SCMH1: variants seen among roughly 807,000 people sequenced by gnomAD.
SCMH1 encodes Scm polycomb group protein homolog 1, also known as polycomb protein SCMH1.
A neutral mutation model predicts 70.8 loss-of-function variants in SCMH1; 37 were observed. That is an observed-to-expected ratio of 0.52 (90% confidence interval 0.40 to 0.69). SCMH1 has a LOEUF of 0.69. SCMH1 is among the 30% of genes least tolerant of loss of function. SCMH1 has a pLI of 0.00. For synonymous variants in SCMH1, 292 were observed against 307.4 expected (o/e 0.95, Z 0.52); for missense variants, 607 against 827.3 (o/e 0.73, Z 3.27).
intron 1 of SCMH1, among the ~76,000 whole-genome samples, chr1:41,215,460 C>T (rs1414726370): frequency 6.6e-6 from 1 of 152,116 alleles, no homozygotes; most frequent in East Asian, 1.9e-4. Context: ...TACTTCTTCT[C>T]TTTACATTAT....
At chr1:41,117,624 A>C (rs1215521914) in intron 6 of SCMH1, among the ~76,000 whole-genome samples, 5 of 152,190 alleles carry the variant, frequency 3.3e-5, no homozygotes, top group African/African-American at 9.7e-5. Flanking sequence ...GCTGTGCTTC[A>C]GTGGTCATGT....
In SCMH1 at chr1:41,061,890, G is replaced by A. The variant is rs866076753; in HGVS notation, c.1105+8705C>T. Among the ~76,000 whole-genome samples, 3 of 151,292 alleles carry A rather than the reference G, an allele frequency of 2.0e-5. No homozygotes were observed. The South Asian group carries it at 6.3e-4, about 32-fold the overall frequency. On this transcript the variant is annotated intron_variant, in intron 10 of 14. Transcript: ENST00000337495. The stretch of plus-strand genomic sequence containing the variant: ...AATTTCTCATTTTTTTTTGAGACAG[G>A]GTCTCACTCTTTCACACAGGTTGGA...
chr1:41,239,848 C>T (rs974519899), intron 1 of SCMH1, among the ~76,000 whole-genome samples: 17 of 152,140 alleles, frequency 1.1e-4, no homozygotes, highest in African/African-American at 4.1e-4. Flanking sequence ...GTAGCCCAGG[C>T]TGGTCCAGAA....
intron 9 of SCMH1, among the ~76,000 whole-genome samples, chr1:41,074,891 C>T (rs1449472723): frequency 6.6e-6 from 1 of 152,194 alleles, no homozygotes; most frequent in Non-Finnish European, 1.5e-5. Context: ...GAGACGGAGT[C>T]TCGCTCTGTC....
intron 4 of SCMH1, among the ~76,000 whole-genome samples, chr1:41,154,717 G>A (rs1253320233): frequency 2.0e-5 from 3 of 152,150 alleles, no homozygotes; most frequent in Non-Finnish European, 4.4e-5. Flanking sequence ...AGATTATTAC[G>A]AAGATTAATA....
At chr1:41,144,263 C>T (rs1170631919) in intron 5 of SCMH1, among the ~76,000 whole-genome samples, 1 of 152,132 alleles carries the variant, frequency 6.6e-6, no homozygotes, top group African/African-American at 2.4e-5. Flanking sequence ...TTCCCCATTA[C>T]CCTCTCAGCC....
chr1:41,214,728 C>T (rs1441787940), intron 1 of SCMH1, among the ~76,000 whole-genome samples: 1 of 151,816 alleles, frequency 6.6e-6, no homozygotes, highest in Non-Finnish European at 1.5e-5. Context: ...CCCATTATAC[C>T]CTGACTCAAA....
At position 41,106,024 on chromosome 1, in the gene SCMH1, G is replaced by A. The variant is rs963358702; in HGVS notation, c.745+7259C>T. 6.6e-5 allele frequency among the ~76,000 whole-genome samples: 10 copies of A among 151,398 alleles called. 1 individual carries two copies. Among genetic ancestry groups the A allele is most frequent in the African/African-American group, 9.8e-5 (4 of 40,914 alleles). Reference sequence around the variant, plus strand: ...CTAGTAGCTGTGATTACAGGTGCACGCCACCATGCCCAGCTAATTTTTGTA... The same window carrying A: ...CTAGTAGCTGTGATTACAGGTGCACACCACCATGCCCAGCTAATTTTTGTA... On this transcript the variant is annotated intron_variant, in intron 8 of 14. Transcript: ENST00000337495.
chr1:41,220,506 C>T (rs1289307306), intron 1 of SCMH1, among the ~76,000 whole-genome samples: 3 of 152,172 alleles, frequency 2.0e-5, no homozygotes, highest in African/African-American at 4.8e-5. Flanking sequence ...TCTAACTAGA[C>T]TCTAAGCTCC....
At chr1:41,148,780 T>TTTTA (rs969327704) in intron 5 of SCMH1, among the ~76,000 whole-genome samples, 1 of 151,978 alleles carries the variant, frequency 6.6e-6, no homozygotes, top group East Asian at 1.9e-4. Flanking sequence ...GGACCTATAG[T>TTTTA]TTTATTTATT....
intron 1 of SCMH1, among the ~76,000 whole-genome samples, chr1:41,229,875 T>G (rs1325148997): frequency 6.6e-6 from 1 of 152,136 alleles, no homozygotes; most frequent in Non-Finnish European, 1.5e-5. Flanking sequence ...GGGCAGTCAG[T>G]ATGGCCTCTA....
intron 12 of SCMH1, among the ~76,000 whole-genome samples, chr1:41,040,084 T>C (rs1571310985): frequency 1.3e-5 from 2 of 152,254 alleles, no homozygotes; most frequent in Non-Finnish European, 2.9e-5. Context: ...CAGGATTCCT[T>C]TGCCCATCTA....
rs193141397 is a variant in SCMH1 at position 41,229,817 on chromosome 1, C to T, written c.-118+12242G>A. 1.7e-3 allele frequency among the ~76,000 whole-genome samples: 266 copies of T among 152,110 alleles called. 1 individual carries two copies. The highest frequency in any genetic ancestry group is 0.01 in the Middle Eastern group (3 of 294). On this transcript the variant is annotated intron_variant, in intron 1 of 14. Coordinates refer to ENST00000337495, the Ensembl canonical transcript of SCMH1. Reference sequence around the variant, plus strand: ...TAACAAGTAAGCAAATAAATAATTACATGTTGTGATTAAGTGCTATAACAG... The same window carrying T: ...TAACAAGTAAGCAAATAAATAATTATATGTTGTGATTAAGTGCTATAACAG...
At chr1:41,082,288 G>A (rs1660256666) in intron 8 of SCMH1, among the ~76,000 whole-genome samples, 1 of 152,144 alleles carries the variant, frequency 6.6e-6, no homozygotes, top group East Asian at 1.9e-4. Flanking sequence ...TTGAAATGAA[G>A]GAAAAAATGT....
At chr1:41,072,781 G>T (rs762541508) in intron 9 of SCMH1, among the ~76,000 whole-genome samples, 1 of 152,074 alleles carries the variant, frequency 6.6e-6, no homozygotes, top group South Asian at 2.1e-4. Context: ...TGGGAGGATC[G>T]CTTGAGCCCA....
intron 7 of SCMH1, among the ~76,000 whole-genome samples, chr1:41,115,639 C>T (rs566056339): frequency 5.9e-5 from 9 of 152,182 alleles, no homozygotes; most frequent in African/African-American, 1.7e-4. Context: ...GGTCTTGCTA[C>T]AGGTGGCCCA....
rs758660990 is a variant in SCMH1 at position 41,213,167 on chromosome 1, C to T, written c.-117-26917G>A. ...ATTACAAATATTTGAAACATACTTG[C>T]ATTCCCAGCCTCCAAATTAGTTACA... On this transcript the variant is annotated intron_variant, in intron 1 of 14. Coordinates refer to ENST00000337495, the Ensembl canonical transcript of SCMH1. 1.3e-3 allele frequency among the ~76,000 whole-genome samples: 195 copies of T among 152,290 alleles called. 1 individual carries two copies. The highest frequency in any genetic ancestry group is 1.2e-3 in the Non-Finnish European group (85 of 68,032).
intron 13 of SCMH1, chr1:41,033,992 G>A (rs746123210): frequency 5.0e-5 from 81 of 1,613,944 alleles, no homozygotes; most frequent in Non-Finnish European, 6.5e-5. Flanking sequence ...CCTGGGGAAC[G>A]ATTTAGTTTC....
chr1:41,079,936 C>G (rs185234683), intron 8 of SCMH1, among the ~76,000 whole-genome samples: 3 of 152,184 alleles, frequency 2.0e-5, no homozygotes, highest in African/African-American at 7.2e-5. Flanking sequence ...TGGCTCTTGT[C>G]TGCCCTTAAA....
Sources: gnomAD v4.1 joint callset for allele counts (sites outside exome capture counted in the v4.1 genomes callset) on GRCh38, gnomAD v4.1.1 for gene constraint, MANE v1.5 for transcripts, NCBI Gene and HGNC (gene_info 2026-07-23, HGNC 2026-07-21) for gene names.